IFT88: variants seen among roughly 807,000 people sequenced by gnomAD.
IFT88 encodes intraflagellar transport 88, also known as intraflagellar transport protein 88 homolog.
Under a neutral mutation model 119.5 loss-of-function variants are expected in IFT88, and 74 were observed. That is an observed-to-expected ratio of 0.62 (90% CI 0.51 to 0.75). The LOEUF (loss-of-function observed/expected upper bound fraction) is 0.75, where lower values mean the gene tolerates loss of function less well. Ranked by LOEUF, IFT88 falls within the 30% of genes least tolerant of loss-of-function variation. The pLI is 0.00. For missense variants in IFT88, 961 were observed against 977.7 expected, an observed-to-expected ratio of 0.98 and a Z score of 0.23; for synonymous variants, 279 against 316.7, an observed-to-expected ratio of 0.88 and a Z score of 1.26.
chr13:20,615,542 GCAT>G (rs891649973), intron 13 of IFT88, among the ~76,000 whole-genome samples: 28 of 152,220 alleles, frequency 1.8e-4, no homozygotes, highest in African/African-American at 6.7e-4. Flanking sequence ...TTGTCAGAAG[GCAT>G]CATAAAGCAG....
chr13:20,605,933 A>G (rs1239906951), intron 13 of IFT88, among the ~76,000 whole-genome samples: 1 of 152,142 alleles, frequency 6.6e-6, no homozygotes, highest in Non-Finnish European at 1.5e-5. Context: ...TTCTGGGTGC[A>G]CCACCCTCCC....
chr13:20,597,733 G>C lies in IFT88; in HGVS notation c.594+614G>C, dbSNP rs7320853. ...CACTCCAGAGCCTGGGCGACAGAGC[G>C]AGACTCCGTCTCAAAAAAAAAATAT... On this transcript the variant is annotated intron_variant, in intron 9 of 25. Transcript: ENST00000351808. Among the ~76,000 whole-genome samples, 121 of 149,090 alleles carry C rather than the reference G, an allele frequency of 8.1e-4. 1 individual carries two copies. The highest frequency in any genetic ancestry group is 6.7e-4 in the Non-Finnish European group (45 of 67,264).
intron 3 of IFT88, among the ~76,000 whole-genome samples, chr13:20,586,288 T>C (rs546060522): frequency 6.6e-6 from 1 of 152,298 alleles, no homozygotes; most frequent in Non-Finnish European, 1.5e-5. Context: ...ATGAAACATC[T>C]TACAGGTTCA....
chr13:20,594,169 A>G (rs2041226921), intron 7 of IFT88, among the ~76,000 whole-genome samples: 2 of 152,064 alleles, frequency 1.3e-5, no homozygotes, highest in African/African-American at 4.8e-5. Context: ...TTAACTGCTC[A>G]GTAACATCAT....
At chr13:20,673,380 G>C (rs141097797) in intron 24 of IFT88, among the ~76,000 whole-genome samples, 1 of 152,134 alleles carries the variant, frequency 6.6e-6, no homozygotes. Flanking sequence ...GAATGGTGTG[G>C]TGCTTCCCCA....
chr13:20,604,358 CTG>C (rs2043080361), intron 12 of IFT88, among the ~76,000 whole-genome samples: 2 of 152,216 alleles, frequency 1.3e-5, no homozygotes, highest in South Asian at 4.1e-4. Context: ...GTAAAATCAT[CTG>C]TGTTTTTAAT....
At chr13:20,618,412 T>A (rs1327103660) in intron 14 of IFT88, among the ~76,000 whole-genome samples, 4 of 152,208 alleles carry the variant, frequency 2.6e-5, no homozygotes, top group Non-Finnish European at 4.4e-5. Flanking sequence ...ATACTGTAAC[T>A]CTTTACCAGT....
intron 17 of IFT88, among the ~76,000 whole-genome samples, chr13:20,639,027 A>C (rs1025371339): frequency 6.6e-6 from 1 of 152,104 alleles, no homozygotes; most frequent in Non-Finnish European, 1.5e-5. Context: ...AAGTCTCACC[A>C]CCATCACATT....
intron 7 of IFT88, among the ~76,000 whole-genome samples, chr13:20,592,927 A>G (rs765578279): frequency 2.0e-5 from 3 of 148,692 alleles, no homozygotes; most frequent in African/African-American, 5.2e-5. Flanking sequence ...AAGAATAGCC[A>G]TATGTATTCT....
intron 13 of IFT88, among the ~76,000 whole-genome samples, chr13:20,611,736 C>T (rs372253163): frequency 2.6e-5 from 4 of 151,984 alleles, no homozygotes; most frequent in African/African-American, 9.7e-5. Context: ...TCCTGAGTAG[C>T]TGGGACTACA....
chr13:20,622,103 G>T (rs2046627033), intron 14 of IFT88, among the ~76,000 whole-genome samples: 2 of 152,124 alleles, frequency 1.3e-5, no homozygotes, highest in African/African-American at 4.8e-5. Context: ...TTGGATTTTT[G>T]AATATTTCTG....
At chr13:20,569,641 C>T (rs896473645) in intron 1 of IFT88, among the ~76,000 whole-genome samples, 1 of 151,562 alleles carries the variant, frequency 6.6e-6, no homozygotes, top group South Asian at 2.1e-4. Context: ...AAATGATGTA[C>T]AGAATGGGAG....
intron 22 of IFT88, among the ~76,000 whole-genome samples, 153 bp downstream of exon 22, chr13:20,656,583 T>A (rs772985761): frequency 1.1e-4 from 17 of 152,192 alleles, no homozygotes; most frequent in Non-Finnish European, 2.2e-4. Context: ...ATCAGAAAAT[T>A]TGACTATGCA....
intron 23 of IFT88, 114 bp from the exon 24 acceptor site, chr13:20,670,859 T>C: frequency 1.5e-6 from 1 of 660,798 alleles, no homozygotes; most frequent in African/African-American, 1.9e-5. Context: ...TCAGGTATGA[T>C]GGGTTAGTCC....
At chr13:20,604,776 G>A (rs967857727) in intron 12 of IFT88, among the ~76,000 whole-genome samples, 1 of 152,118 alleles carries the variant, frequency 6.6e-6, no homozygotes, top group Non-Finnish European at 1.5e-5. Flanking sequence ...GCAAAATGGT[G>A]AAACCTCATC....
intron 16 of IFT88, 186 bp downstream of exon 16, chr13:20,631,288 G>C (rs1024198689): frequency 1.3e-5 from 7 of 531,622 alleles, no homozygotes; most frequent in East Asian, 9.0e-5. Flanking sequence ...ACATGAGTGA[G>C]AACACCATCT....
intron 20 of IFT88, among the ~76,000 whole-genome samples, chr13:20,650,255 A>G (rs1199470649): frequency 6.6e-6 from 1 of 152,188 alleles, no homozygotes; most frequent in Non-Finnish European, 1.5e-5. Context: ...ATTTAGCCAC[A>G]TATTAAAAGA....
rs200491393 is a variant in IFT88, at chr13:20,621,526, T to TAA, written c.1200-4194_1200-4193dup. ...TCAATTTTCCCAAAACCTGCTGAGA[T>TAA]AAAAAAAAAAAAAAAAAAAAAAAAA... On this transcript the variant is annotated intron_variant, in intron 14 of 25. Coordinates refer to ENST00000351808, the MANE Select transcript of IFT88 (RefSeq NM_006531.5). Among the ~76,000 whole-genome samples, 311 of 130,646 alleles carry TAA rather than the reference T, an allele frequency of 2.4e-3. 11 individuals carry two copies. Among genetic ancestry groups the TAA allele is most frequent in the Non-Finnish European group, 3.2e-3 (202 of 62,250 alleles). 85.7% of individuals were successfully genotyped at this position (130,646 alleles called of 152,430 possible). A position where few individuals can be genotyped will look rare whatever the true frequency, so the allele number is the denominator to read the frequency against.
At chr13:20,600,206 A>G (rs1474888242) in intron 11 of IFT88, among the ~76,000 whole-genome samples, 1 of 152,156 alleles carries the variant, frequency 6.6e-6, no homozygotes, top group Non-Finnish European at 1.5e-5. Context: ...AGCAAATATT[A>G]TCTAACTTAC....
Sources: gnomAD v4.1 joint callset for allele counts (sites outside exome capture counted in the v4.1 genomes callset) on GRCh38, gnomAD v4.1.1 for gene constraint, MANE v1.5 for transcripts, NCBI Gene and HGNC (gene_info 2026-07-23, HGNC 2026-07-21) for gene names.